Variants in DOCK11 observed in about 807,000 individuals in gnomAD.
DOCK11 encodes dedicator of cytokinesis protein 11.
DOCK11 carries 70 observed loss-of-function variants against 169.1 expected under a neutral mutation model. The ratio of observed to expected loss-of-function variants is 0.41; its 90% confidence interval spans 0.34 to 0.51. The LOEUF is 0.51. Ranked by LOEUF, DOCK11 falls within the 20% of genes least tolerant of loss-of-function variation. The pLI is 0.10. For synonymous variants in DOCK11, 529 were observed against 541.3 expected (o/e 0.98, Z 0.32); for missense variants, 1,166 against 1,538.8 (o/e 0.76, Z 4.05).
intron 46 of DOCK11, among the ~76,000 whole-genome samples, chrX:118,671,866 A>ACC (rs2016482310): frequency 8.9e-6 from 1 of 111,865 alleles, no homozygotes; most frequent in African/African-American, 3.3e-5. Context: ...ATTAGTAGAG[A>ACC]CGGGGTTTCA....
At chrX:118,606,321 G>A (rs1448459168) in intron 24 of DOCK11, among the ~76,000 whole-genome samples, 1 of 111,334 alleles carries the variant, frequency 9.0e-6, no homozygotes, top group Non-Finnish European at 1.9e-5. Context: ...CATCCGCCTC[G>A]GCCTCCCAGT....
chrX:118,642,827 G>T (rs1047835000), intron 39 of DOCK11, among the ~76,000 whole-genome samples: 3 of 111,907 alleles, frequency 2.7e-5, no homozygotes, highest in Non-Finnish European at 5.6e-5. Flanking sequence ...GCAGGATAGG[G>T]CTGGAGAAAT....
intron 6 of DOCK11, among the ~76,000 whole-genome samples, chrX:118,553,883 T>C (rs1483749781): frequency 8.9e-6 from 1 of 112,617 alleles, no homozygotes; most frequent in Non-Finnish European, 1.9e-5. Flanking sequence ...TTTTCATTAA[T>C]TTGTTTTTTA....
intron 36 of DOCK11, 66 bp from the exon 37 acceptor site, chrX:118,638,014 A>G: frequency 1.1e-6 from 1 of 942,589 alleles, no homozygotes. Flanking sequence ...TGACTTTTAA[A>G]ATATCACTTG....
chrX:118,586,996 G>A (rs1210809708), intron 16 of DOCK11, among the ~76,000 whole-genome samples: 1 of 112,268 alleles, frequency 8.9e-6, no homozygotes, highest in Non-Finnish European at 1.9e-5. Context: ...ACATCTAAGA[G>A]TACAATGGAT....
intron 40 of DOCK11, among the ~76,000 whole-genome samples, chrX:118,646,366 G>A (rs928548993): frequency 1.8e-5 from 2 of 110,985 alleles, no homozygotes; most frequent in African/African-American, 6.6e-5. Context: ...AAAAAATCAG[G>A]AGCAGAACAT....
chrX:118,640,138 G>T (rs182174982), intron 38 of DOCK11, among the ~76,000 whole-genome samples: 1 of 112,409 alleles, frequency 8.9e-6, no homozygotes, highest in African/African-American at 3.2e-5. Context: ...TTTCAGACAG[G>T]TTGAAGTATT....
chrX:118,628,441 T>C (rs1395809775), intron 34 of DOCK11, among the ~76,000 whole-genome samples, 169 bp downstream of exon 34: 1 of 112,439 alleles, frequency 8.9e-6, no homozygotes, highest in African/African-American at 3.2e-5. Context: ...TGGCAGCTGC[T>C]ACTTCAATGT....
chrX:118,568,017 A>G, intron 9 of DOCK11, 62 bp from the exon 10 acceptor site: 1 of 578,926 alleles, frequency 1.7e-6, no homozygotes, highest in South Asian at 4.2e-5. Flanking sequence ...CTATACATTT[A>G]AATAGTATTT....
intron 1 of DOCK11, among the ~76,000 whole-genome samples, chrX:118,498,473 A>G (rs1315162010): frequency 8.9e-6 from 1 of 112,502 alleles, no homozygotes; most frequent in Non-Finnish European, 1.9e-5. Context: ...ATGCTCCTAA[A>G]TGACTCTCTC....
At chrX:118,542,448 G>A (rs1469746908) in intron 1 of DOCK11, among the ~76,000 whole-genome samples, 1 of 110,665 alleles carries the variant, frequency 9.0e-6, no homozygotes. Context: ...TGGGATTACA[G>A]GCATGAGCCA....
chrX:118,530,723 ACT>A (rs2011499749), intron 1 of DOCK11, among the ~76,000 whole-genome samples: 1 of 111,077 alleles, frequency 9.0e-6, no homozygotes, highest in South Asian at 3.7e-4. Context: ...TCTGCATGGC[ACT>A]CTCTGTATCC....
At chrX:118,594,378 C>T (rs12860057) in intron 20 of DOCK11, among the ~76,000 whole-genome samples, 15,058 of 111,547 alleles carry the variant, frequency 0.13, 803 homozygotes, top group Middle Eastern at 0.21. Flanking sequence ...GTCCAAAATG[C>T]TCCAAAATTG....
chrX:118,533,025 C>T (rs759129005), intron 1 of DOCK11, among the ~76,000 whole-genome samples: 8 of 111,089 alleles, frequency 7.2e-5, no homozygotes, highest in Non-Finnish European at 1.3e-4. Context: ...GAGATTCGCT[C>T]TTGTTGCCCT....
At chrX:118,581,791 G>C (rs1376374736) in intron 14 of DOCK11, among the ~76,000 whole-genome samples, 1 of 75,504 alleles carries the variant, frequency 1.3e-5, no homozygotes, top group Non-Finnish European at 2.3e-5. Context: ...GCGACAGAGC[G>C]AGACTCCGTC....
intron 44 of DOCK11, among the ~76,000 whole-genome samples, chrX:118,656,353 T>A (rs1248347450): frequency 8.9e-6 from 1 of 111,949 alleles, no homozygotes; most frequent in Non-Finnish European, 1.9e-5. Context: ...TCATTTTACT[T>A]ATATTTTAAA....
chrX:118,610,247 T>C, intron 27 of DOCK11, 25 bp from the exon 28 acceptor site: 2 of 1,209,317 alleles, frequency 1.7e-6, no homozygotes, highest in Non-Finnish European at 2.2e-6. Flanking sequence ...AAGTCTGACT[T>C]TTTTCTGTGC....
rs187199103 is a variant in DOCK11 at position 118,570,675 on chromosome X, T to A, written c.1036-1648T>A. On this transcript the variant is annotated intron_variant, in intron 10 of 52. Coordinates refer to ENST00000276202, the MANE Select transcript of DOCK11 (RefSeq NM_144658.4). ...AATTACTTAGGTAATTGAGAAAAAATTTTGTGTTTCTTGTCTTGAGTTTTC... is the reference window on the plus strand; with the variant it reads ...AATTACTTAGGTAATTGAGAAAAAAATTTGTGTTTCTTGTCTTGAGTTTTC... Among the ~76,000 whole-genome samples the A allele has an allele frequency of 1.1e-4, 12 of 111,954 alleles. No individual in the cohort carries two copies. In the East Asian group the frequency reaches 3.1e-3, roughly 29 times the overall value.
intron 32 of DOCK11, among the ~76,000 whole-genome samples, chrX:118,625,149 G>A (rs1445296216): frequency 9.3e-6 from 1 of 107,057 alleles, no homozygotes; most frequent in Non-Finnish European, 1.9e-5. Context: ...TGGGGAATTT[G>A]TTAAAACAGG....
Sources: gnomAD v4.1 joint callset for allele counts (sites outside exome capture counted in the v4.1 genomes callset) on GRCh38, gnomAD v4.1.1 for gene constraint, MANE v1.5 for transcripts, NCBI Gene and HGNC (gene_info 2026-07-23, HGNC 2026-07-21) for gene names.